The following ZNF451 variants were observed in gnomAD, a reference collection of about 807,000 sequenced individuals.
ZNF451 encodes the protein E3 SUMO-protein ligase ZNF451.
ZNF451 carries 80 observed loss-of-function variants against 107.1 expected under a neutral mutation model. The observed-to-expected ratio is 0.75, with a 90% CI of 0.62 to 0.90. ZNF451 has a LOEUF of 0.90. Ranked by LOEUF, ZNF451 falls within the 40% of genes least tolerant of loss-of-function variation. The pLI, the probability that ZNF451 is intolerant of heterozygous loss-of-function variation, is 0.00. For synonymous variants in ZNF451, 362 were observed against 406.5 expected (o/e 0.89, Z 1.32); for missense variants, 1,107 against 1,236.2 (o/e 0.90, Z 1.57).
At position 57,150,885 on chromosome 6, in the gene ZNF451, A is replaced by T. The variant is rs1487179485; in HGVS notation, c.2752+23A>T. On this transcript the variant is annotated intron_variant, in intron 11 of 14. Coordinates refer to ENST00000370706, the MANE Select transcript of ZNF451 (RefSeq NM_001031623.3). ...AAGGTACGGTTAATAAGAAAAACAA[A>T]AGAAAACTTTTTCCCACCTCTTAGA... 3 of 1,612,354 alleles carry T rather than the reference A, an allele frequency of 1.9e-6. No homozygotes were observed. In the African/African-American group the frequency reaches 4.0e-5, roughly 22 times the overall value.
At chr6:57,101,437 A>C in intron 3 of ZNF451, 2 of 1,550,812 alleles carry the variant, frequency 1.3e-6, no homozygotes. Context: ...TTTCCAACCA[A>C]ACCCACCAGC....
At chr6:57,146,593 G>C (rs542387149) in intron 9 of ZNF451, among the ~76,000 whole-genome samples, 5 of 152,138 alleles carry the variant, frequency 3.3e-5, no homozygotes, top group Non-Finnish European at 7.4e-5. Context: ...TGGCTTTATT[G>C]CTGGGTTCTC....
rs945780352 is a variant in ZNF451 at position 57,168,941 on chromosome 6, T to G, written c.*472T>G. ...ATGTGGCACTATTATATAATACCTT[T>G]GAGATCTTTGTTTATGTTTATTAGA... On this transcript the variant is annotated 3_prime_UTR_variant, in exon 15 of 15. Coordinates refer to ENST00000370706, the MANE Select transcript of ZNF451 (RefSeq NM_001031623.3). 3.3e-5 allele frequency: 5 copies of G among 153,012 alleles called. No individual in the cohort carries two copies. The highest frequency in any genetic ancestry group is 5.8e-5 in the Non-Finnish European group (4 of 68,614). The allele number at this position is 153,012 out of a possible 1,614,324, so 9.5% of individuals were successfully genotyped here. A position where few individuals can be genotyped will look rare whatever the true frequency, so the allele number is the denominator to read the frequency against.
intron 14 of ZNF451, among the ~76,000 whole-genome samples, chr6:57,167,002 T>C (rs1386964830): frequency 6.6e-6 from 1 of 152,230 alleles, no homozygotes; most frequent in Non-Finnish European, 1.5e-5. Flanking sequence ...TCACTGGAGG[T>C]ATGATATCTT....
chr6:57,123,109 G>A (rs887956150), intron 3 of ZNF451, among the ~76,000 whole-genome samples: 2 of 152,094 alleles, frequency 1.3e-5, no homozygotes, highest in African/African-American at 4.8e-5. Flanking sequence ...TCAGGGCTGC[G>A]GTGAGTCATG....
intron 2 of ZNF451, among the ~76,000 whole-genome samples, chr6:57,096,529 C>T (rs999486346): frequency 2.8e-5 from 4 of 144,164 alleles, no homozygotes; most frequent in African/African-American, 2.6e-5. Context: ...TTTTACCTTG[C>T]ATCCTGTCAT....
intron 13 of ZNF451, among the ~76,000 whole-genome samples, chr6:57,160,395 G>A (rs550365932): frequency 3.3e-5 from 5 of 151,872 alleles, no homozygotes; most frequent in African/African-American, 9.7e-5. Flanking sequence ...ATGCAGTGGC[G>A]TGATCTCAGC....
rs1216895309 is a variant in ZNF451, at chr6:57,147,863, T to C, written c.1778T>C (p.Ile593Thr). ...ANKPSSAITV[I>T]DHSPANSSPR... ...AAGCCTTCATCAGCTATTACTGTTATTGATCATTCCCCGGCAAATAGTTCT... is the reference window on the plus strand; with the variant it reads ...AAGCCTTCATCAGCTATTACTGTTACTGATCATTCCCCGGCAAATAGTTCT... The change falls in exon 10 of 15, where the codon ATT (isoleucine) becomes ACT (threonine). Residue 593 changes from isoleucine to threonine, a missense_variant. Ile to Thr is a moderately conservative substitution (Grantham distance 89). Around this residue, in one of 5 missense-constraint regions of ZNF451, gnomAD observed 608 missense variants for 649.2 expected, o/e 0.94. Coordinates refer to ENST00000370706, the MANE Select transcript of ZNF451 (RefSeq NM_001031623.3). The C allele has an allele frequency of 6.2e-6, 10 of 1,614,150 alleles. No homozygotes were observed. The highest frequency in any genetic ancestry group is 1.1e-5 in the South Asian group (1 of 91,082).
At chr6:57,102,499 T>TAAA (rs1829655469) in intron 3 of ZNF451, 12 of 992,634 alleles carry the variant, frequency 1.2e-5, no homozygotes, top group African/African-American at 1.7e-5. Flanking sequence ...AGATGTCTGT[T>TAAA]TACTAAGACC....
intron 3 of ZNF451, chr6:57,102,049 T>G: frequency 6.5e-7 from 1 of 1,537,070 alleles, no homozygotes. Context: ...CCCCTATAGA[T>G]ATAGAAAGAA....
chr6:57,122,677 C>T (rs551791760), intron 3 of ZNF451, among the ~76,000 whole-genome samples: 1 of 152,292 alleles, frequency 6.6e-6, no homozygotes, highest in East Asian at 1.9e-4. Context: ...AATCAGATAC[C>T]ATCTCACAGC....
At chr6:57,122,823 C>G (rs992159633) in intron 3 of ZNF451, among the ~76,000 whole-genome samples, 2 of 152,138 alleles carry the variant, frequency 1.3e-5, no homozygotes, top group Non-Finnish European at 2.9e-5. Flanking sequence ...AGAGATTTCT[C>G]AAAAAACTAA....
intron 3 of ZNF451, chr6:57,100,629 C>G (rs766024603): frequency 6.5e-7 from 1 of 1,535,580 alleles, no homozygotes; most frequent in South Asian, 1.2e-5. Context: ...AGGTGCCATC[C>G]TCTGAGAATC....
At chr6:57,125,529 G>A (rs1337243380) in intron 4 of ZNF451, among the ~76,000 whole-genome samples, 2 of 152,138 alleles carry the variant, frequency 1.3e-5, no homozygotes, top group East Asian at 1.9e-4. Flanking sequence ...CTGGCCAGCA[G>A]CTGTTTAGAT....
At chr6:57,140,669 T>C (rs1230493330) in intron 7 of ZNF451, among the ~76,000 whole-genome samples, 1 of 151,934 alleles carries the variant, frequency 6.6e-6, no homozygotes, top group African/African-American at 2.4e-5. Flanking sequence ...ACCCAAAACT[T>C]AAAAAAAGAA....
intron 3 of ZNF451, among the ~76,000 whole-genome samples, chr6:57,099,869 A>G (rs929790861): frequency 2.0e-5 from 3 of 152,222 alleles, no homozygotes; most frequent in African/African-American, 7.2e-5. Flanking sequence ...TCTGTGATAT[A>G]GGGGATTGAG....
intron 3 of ZNF451, chr6:57,107,766 A>T: frequency 1.0e-6 from 1 of 985,024 alleles, no homozygotes; most frequent in Non-Finnish European, 1.2e-6. Context: ...AGATCTCTCA[A>T]GTTGTACTGT....
chr6:57,149,449 T>C (rs1390125157), intron 10 of ZNF451, among the ~76,000 whole-genome samples: 2 of 152,210 alleles, frequency 1.3e-5, no homozygotes, highest in African/African-American at 4.8e-5. Context: ...TTTACTATGT[T>C]GCCCAGGCTG....
intron 12 of ZNF451, 89 bp from the exon 13 acceptor site, chr6:57,153,772 C>G: frequency 7.5e-7 from 1 of 1,326,480 alleles, no homozygotes; most frequent in Non-Finnish European, 1.1e-6. Context: ...ATATACCTTC[C>G]TAGGCATGTG....
Sources: gnomAD v4.1 joint callset for allele counts (sites outside exome capture counted in the v4.1 genomes callset) on GRCh38, gnomAD v4.1.1 for gene constraint, gnomAD v4.1.1 regional missense constraint, MANE v1.5 for transcripts, NCBI Gene and HGNC (gene_info 2026-07-23, HGNC 2026-07-21) for gene names.